Variants in SKIC3 observed in about 807,000 individuals in gnomAD.
The protein encoded by SKIC3 is superkiller complex protein 3.
the SKIC3 span, chr5:95,491,003 G>T: frequency 6.2e-7 from 1 of 1,614,020 alleles, no homozygotes; most frequent in East Asian, 2.2e-5. Flanking sequence ...AGCGTGACAG[G>T]CTGCCATTAG....
the SKIC3 span, among the ~76,000 whole-genome samples, chr5:95,477,454 A>G: frequency 6.6e-6 from 1 of 152,214 alleles, no homozygotes; most frequent in African/African-American, 2.4e-5. Context: ...GAGTTACTTT[A>G]GGGCTGTCTA....
the SKIC3 span, among the ~76,000 whole-genome samples, chr5:95,479,863 C>G: frequency 6.6e-6 from 1 of 151,798 alleles, no homozygotes; most frequent in Non-Finnish European, 1.5e-5. Context: ...TTAATGTTAC[C>G]ACATATTAAG....
chr5:95,498,816 G>C, the SKIC3 span, among the ~76,000 whole-genome samples: 1 of 151,976 alleles, frequency 6.6e-6, no homozygotes, highest in African/African-American at 2.4e-5. Flanking sequence ...TAGTAGAGAC[G>C]GGGTTTCACC....
the SKIC3 span, chr5:95,507,147 T>A: frequency 1.3e-6 from 1 of 761,766 alleles, no homozygotes; most frequent in African/African-American, 1.8e-5. Flanking sequence ...CTTATTCATA[T>A]TTTATTAAGT....
At chr5:95,526,518 G>A in the SKIC3 span, among the ~76,000 whole-genome samples, 536 of 150,650 alleles carry the variant, frequency 3.6e-3, 3 homozygotes, top group Middle Eastern at 0.041. Context: ...TCGATGCCCA[G>A]GCTAGAGTGC....
At chr5:95,478,451 C>T in the SKIC3 span, 24 of 1,613,332 alleles carry the variant, frequency 1.5e-5, no homozygotes, top group Non-Finnish European at 1.9e-5. Context: ...CACTAAGAAA[C>T]AAAAAAGGAG....
chr5:95,513,203 T>G, the SKIC3 span: 1 of 221,258 alleles, frequency 4.5e-6, no homozygotes, highest in Non-Finnish European at 9.1e-6. Flanking sequence ...CACTATCTAT[T>G]CATTTTCTTT....
the SKIC3 span, among the ~76,000 whole-genome samples, chr5:95,489,966 CA>C: frequency 6.6e-6 from 1 of 152,108 alleles, no homozygotes; most frequent in Non-Finnish European, 1.5e-5. Flanking sequence ...AGTCAAAAGA[CA>C]GGCAGTAATG....
the SKIC3 span, among the ~76,000 whole-genome samples, chr5:95,545,266 GCC>G: frequency 6.6e-6 from 1 of 151,988 alleles, no homozygotes; most frequent in African/African-American, 2.4e-5. Flanking sequence ...GGAACACACT[GCC>G]CACCTTCTTC....
the SKIC3 span, among the ~76,000 whole-genome samples, chr5:95,471,072 A>G: frequency 6.6e-6 from 1 of 152,194 alleles, no homozygotes; most frequent in South Asian, 2.1e-4. Context: ...TATAGGCAAT[A>G]GCAATTTGTA....
At chr5:95,486,761 T>C in the SKIC3 span, among the ~76,000 whole-genome samples, 3 of 152,188 alleles carry the variant, frequency 2.0e-5, no homozygotes, top group East Asian at 3.9e-4. Flanking sequence ...TGTATCACAT[T>C]GTTGGCCTGG....
chr5:95,547,551 A>AT, the SKIC3 span, among the ~76,000 whole-genome samples: 29 of 150,692 alleles, frequency 1.9e-4, no homozygotes, highest in South Asian at 2.1e-3. Flanking sequence ...GCAGGCAAGA[A>AT]TTTTTTTTTT....
At chr5:95,525,609 C>A in the SKIC3 span, 3 of 1,614,020 alleles carry the variant, frequency 1.9e-6, no homozygotes, top group South Asian at 2.2e-5. Context: ...ATCAAATGAA[C>A]CTTTGTTCCG....
the SKIC3 span, among the ~76,000 whole-genome samples, chr5:95,501,996 C>A: frequency 6.6e-6 from 1 of 152,220 alleles, no homozygotes; most frequent in East Asian, 1.9e-4. Flanking sequence ...ATTTATTAGA[C>A]AAGGAAATGA....
chr5:95,539,899 T>C, the SKIC3 span, among the ~76,000 whole-genome samples: 4 of 150,598 alleles, frequency 2.7e-5, no homozygotes, highest in Non-Finnish European at 4.4e-5. Context: ...GTAATCCCTC[T>C]ACTAGGTATC....
chr5:95,524,606 G>T, the SKIC3 span: 1 of 1,612,348 alleles, frequency 6.2e-7, no homozygotes, highest in Non-Finnish European at 8.5e-7. Flanking sequence ...GCCACCAAAG[G>T]GTAATAAAAA....
the SKIC3 span, among the ~76,000 whole-genome samples, chr5:95,545,175 T>C: frequency 3.0e-4 from 46 of 152,304 alleles, no homozygotes; most frequent in Admixed American, 7.2e-4. Flanking sequence ...AACTGAAACG[T>C]GCATCAATTA....
the SKIC3 span, chr5:95,523,745 A>T: frequency 6.2e-7 from 1 of 1,613,562 alleles, no homozygotes; most frequent in Non-Finnish European, 8.5e-7. Flanking sequence ...TATAACATCC[A>T]CGAGCTCTGT....
At chr5:95,517,293 C>T in the SKIC3 span, 1 of 1,613,138 alleles carries the variant, frequency 6.2e-7, no homozygotes, top group Non-Finnish European at 8.5e-7. Context: ...CTTCCAGAGG[C>T]AGGACACATC....
Sources: gnomAD v4.1 joint callset for allele counts (sites outside exome capture counted in the v4.1 genomes callset) on GRCh38, gnomAD v4.1.1 for gene constraint, MANE v1.5 for transcripts, NCBI Gene and HGNC (gene_info 2026-07-23, HGNC 2026-07-21) for gene names.